The following SCHIP1 variants were observed in gnomAD, a reference collection of about 807,000 sequenced individuals.
SCHIP1 encodes schwannomin-interacting protein 1.
A neutral mutation model predicts 29.7 loss-of-function variants in SCHIP1; 8 were observed. The ratio of observed to expected loss-of-function variants is 0.27; its 90% CI spans 0.16 to 0.49. The LOEUF (loss-of-function observed/expected upper bound fraction) is 0.49, where lower values mean the gene tolerates loss of function less well. SCHIP1 is among the 20% of genes least tolerant of loss of function. The probability of loss-of-function intolerance (pLI) is 0.99; values close to 1 mark genes in which losing one functional copy is unlikely to be tolerated. For synonymous variants in SCHIP1, 76 were observed against 94.9 expected, an observed-to-expected ratio of 0.80 and a Z score of 1.16; for missense variants, 193 against 294.6, an observed-to-expected ratio of 0.66 and a Z score of 2.52.
the SCHIP1 span, among the ~76,000 whole-genome samples, chr3:159,325,386 AT>A: frequency 1.3e-5 from 2 of 152,132 alleles, no homozygotes; most frequent in African/African-American, 4.8e-5. Context: ...TTACACCACA[AT>A]CTTTGATATT....
At chr3:159,688,600 A>G in the SCHIP1 span, among the ~76,000 whole-genome samples, 2 of 152,060 alleles carry the variant, frequency 1.3e-5, no homozygotes, top group Admixed American at 1.3e-4. Context: ...TCTTTTGTTT[A>G]ATTAGATCCC....
At chr3:159,804,402 C>T in the SCHIP1 span, among the ~76,000 whole-genome samples, 5 of 152,154 alleles carry the variant, frequency 3.3e-5, no homozygotes, top group African/African-American at 4.8e-5. Context: ...TATATCTCCA[C>T]TGCTAAGGAC....
chr3:159,510,486 T>C, the SCHIP1 span, among the ~76,000 whole-genome samples: 1 of 152,242 alleles, frequency 6.6e-6, no homozygotes, highest in Non-Finnish European at 1.5e-5. Context: ...TCATTCTTTG[T>C]CCAGCTTTGT....
At chr3:159,401,388 T>G in the SCHIP1 span, 1 of 967,222 alleles carries the variant, frequency 1.0e-6, no homozygotes, top group Non-Finnish European at 1.2e-6. Context: ...GTGACATCTA[T>G]TTGTTGAATT....
chr3:159,819,187 AT>A, the SCHIP1 span, among the ~76,000 whole-genome samples: 657 of 152,344 alleles, frequency 4.3e-3, 5 homozygotes, highest in African/African-American at 0.015. Context: ...GACATGGCAG[AT>A]AACTTCCCCC....
chr3:159,364,192 A>G, the SCHIP1 span, among the ~76,000 whole-genome samples: 1 of 152,182 alleles, frequency 6.6e-6, no homozygotes, highest in East Asian at 1.9e-4. Context: ...AGAACTGCGT[A>G]TTAGGGAAGC....
chr3:159,316,946 CCTT>C, the SCHIP1 span, among the ~76,000 whole-genome samples: 1 of 152,214 alleles, frequency 6.6e-6, no homozygotes, highest in Non-Finnish European at 1.5e-5. Flanking sequence ...TTTATGACTA[CCTT>C]CTTCTACTAC....
the SCHIP1 span, among the ~76,000 whole-genome samples, chr3:159,310,514 G>A: frequency 2.6e-5 from 4 of 152,268 alleles, no homozygotes; most frequent in East Asian, 7.7e-4. Context: ...AAATGGCTAT[G>A]CCTGGCTTTT....
At chr3:159,365,157 G>A in the SCHIP1 span, among the ~76,000 whole-genome samples, 3 of 152,128 alleles carry the variant, frequency 2.0e-5, no homozygotes, top group Non-Finnish European at 2.9e-5. Context: ...GGATTGGGGC[G>A]GGTACCAGAG....
chr3:159,325,522 T>C, the SCHIP1 span, among the ~76,000 whole-genome samples: 1 of 152,124 alleles, frequency 6.6e-6, no homozygotes, highest in Non-Finnish European at 1.5e-5. Flanking sequence ...AAAGCTGGAA[T>C]TGCTTTGATG....
chr3:159,870,681 T>A (rs1715161872), intron 2 of SCHIP1, among the ~76,000 whole-genome samples: 1 of 152,038 alleles, frequency 6.6e-6, no homozygotes, highest in African/African-American at 2.4e-5. Flanking sequence ...TAATTATAAA[T>A]AAAATTCATA....
At chr3:159,639,263 C>A in the SCHIP1 span, among the ~76,000 whole-genome samples, 2 of 152,030 alleles carry the variant, frequency 1.3e-5, no homozygotes, top group Non-Finnish European at 2.9e-5. Flanking sequence ...TTTTCTGTAC[C>A]ATTTATTGGA....
At chr3:159,461,633 T>C in the SCHIP1 span, among the ~76,000 whole-genome samples, 1 of 151,394 alleles carries the variant, frequency 6.6e-6, no homozygotes, top group African/African-American at 2.4e-5. Context: ...TGGAGTGCAG[T>C]GGTGCAATCT....
the SCHIP1 span, among the ~76,000 whole-genome samples, chr3:159,581,030 A>C: frequency 6.6e-6 from 1 of 152,110 alleles, no homozygotes; most frequent in African/African-American, 2.4e-5. Flanking sequence ...GCCTCACCCC[A>C]TCTTTATTAC....
the SCHIP1 span, among the ~76,000 whole-genome samples, chr3:159,611,146 C>T: frequency 3.9e-5 from 6 of 152,088 alleles, no homozygotes; most frequent in African/African-American, 1.4e-4. Context: ...AAGCAAAATG[C>T]TTCTTCCTAT....
chr3:159,360,595 G>A, the SCHIP1 span, among the ~76,000 whole-genome samples: 3 of 152,184 alleles, frequency 2.0e-5, no homozygotes, highest in Admixed American at 2.0e-4. Context: ...TTATAAAAGT[G>A]CATCCAGACT....
the SCHIP1 span, among the ~76,000 whole-genome samples, chr3:159,768,910 C>T: frequency 1.3e-5 from 2 of 152,212 alleles, no homozygotes; most frequent in African/African-American, 4.8e-5. Flanking sequence ...CCCAGAAGTG[C>T]CCCTTCCATG....
At chr3:159,533,523 G>T in the SCHIP1 span, among the ~76,000 whole-genome samples, 1 of 152,032 alleles carries the variant, frequency 6.6e-6, no homozygotes, top group African/African-American at 2.4e-5. Flanking sequence ...TCCATTCTAG[G>T]TATTAAGGGA....
chr3:159,767,895 C>T, the SCHIP1 span, among the ~76,000 whole-genome samples: 28 of 152,236 alleles, frequency 1.8e-4, no homozygotes, highest in South Asian at 5.0e-3. Flanking sequence ...GAAATGTAGG[C>T]GGGAGTTCTT....
Sources: allele counts gnomAD v4.1 joint callset (sites outside exome capture counted in the v4.1 genomes callset), GRCh38; gene constraint gnomAD v4.1.1; transcripts MANE v1.5; gene names NCBI Gene and HGNC (gene_info 2026-07-23, HGNC 2026-07-21).